PDGFRB: variants seen among roughly 807,000 people sequenced by gnomAD.
PDGFRB encodes platelet derived growth factor receptor beta, also known as platelet-derived growth factor receptor beta.
A neutral mutation model predicts 120.2 loss-of-function variants in PDGFRB; 42 were observed. The observed-to-expected ratio is 0.35, with a 90% confidence interval of 0.27 to 0.45. The LOEUF (loss-of-function observed/expected upper bound fraction) is 0.45, where lower values mean the gene tolerates loss of function less well. Ranked by LOEUF, PDGFRB falls within the 20% of genes least tolerant of loss-of-function variation. The pLI is 1.00. For missense variants in PDGFRB, 1,149 were observed against 1,476.3 expected, an observed-to-expected ratio of 0.78 and a Z score of 3.63; for synonymous variants, 586 against 606.8, an observed-to-expected ratio of 0.97 and a Z score of 0.50.
chr5:150,124,221 T>A, intron 14 of PDGFRB, 29 bp downstream of exon 14: 1 of 1,503,282 alleles, frequency 6.7e-7, no homozygotes, highest in Non-Finnish European at 9.3e-7. Context: ...GCACTTTCCC[T>A]GAGGCCTCTG....
intron 1 of PDGFRB, among the ~76,000 whole-genome samples, chr5:150,143,362 G>A (rs1760833108): frequency 6.6e-6 from 1 of 152,212 alleles, no homozygotes; most frequent in South Asian, 2.1e-4. Flanking sequence ...GGGCAAGAGT[G>A]TCTTGGGAGC....
chr5:150,133,438 C>G, intron 6 of PDGFRB, 148 bp downstream of exon 6: 1 of 715,168 alleles, frequency 1.4e-6, no homozygotes, highest in East Asian at 2.5e-5. Context: ...CTGACTATAC[C>G]CCGGGGCTGT....
chr5:150,145,200 T>G (rs989519321), intron 1 of PDGFRB, among the ~76,000 whole-genome samples: 1 of 152,268 alleles, frequency 6.6e-6, no homozygotes, highest in Non-Finnish European at 1.5e-5. Flanking sequence ...ATAAACTGAA[T>G]GTATTTTCTC....
chr5:150,137,165 T>C (rs1760657171), intron 1 of PDGFRB, 112 bp from the exon 2 acceptor site: 3 of 807,088 alleles, frequency 3.7e-6, no homozygotes, highest in Non-Finnish European at 4.0e-6. Flanking sequence ...CCAGCCTTCA[T>C]GTCCGAGGGG....
intron 12 of PDGFRB, among the ~76,000 whole-genome samples, chr5:150,125,238 C>T (rs761226234): frequency 9.2e-5 from 14 of 152,170 alleles, no homozygotes; most frequent in Non-Finnish European, 1.9e-4. Flanking sequence ...CTCACAGGGT[C>T]ACAGGATCAT....
At chr5:150,130,410 C>T (rs911790241) in intron 9 of PDGFRB, 129 bp downstream of exon 9, 12 of 851,860 alleles carry the variant, frequency 1.4e-5, no homozygotes, top group Non-Finnish European at 2.2e-5. Context: ...AGGTGGTGAC[C>T]TGGCCTCCTA....
At chr5:150,126,724 C>A in intron 10 of PDGFRB, 110 bp from the exon 11 acceptor site, 1 of 701,608 alleles carries the variant, frequency 1.4e-6, no homozygotes, top group Non-Finnish European at 2.6e-6. Flanking sequence ...AGAATAGAAG[C>A]GCCCACCTCC....
chr5:150,133,451 C>G (rs372926836), intron 6 of PDGFRB, 135 bp downstream of exon 6: 3 of 752,286 alleles, frequency 4.0e-6, no homozygotes, highest in East Asian at 2.5e-5. Context: ...GGGGCTGTGA[C>G]AGGCACTGGG....
intron 22 of PDGFRB, 74 bp downstream of exon 22, chr5:150,117,544 G>GCGCGCACGCA (rs369019315): frequency 3.9e-6 from 2 of 516,470 alleles, no homozygotes; most frequent in Non-Finnish European, 6.7e-6. Context: ...GCGCGCGCGC[G>GCGCGCACGCA]CACACACACA....
At chr5:150,148,793 C>T (rs936017248) in intron 1 of PDGFRB, among the ~76,000 whole-genome samples, 6 of 152,194 alleles carry the variant, frequency 3.9e-5, no homozygotes, top group African/African-American at 9.6e-5. Context: ...GTGGGGAGAG[C>T]GGGTATGGCT....
chr5:150,115,462 G>A lies in PDGFRB; in HGVS notation c.*301C>T. The stretch of plus-strand genomic sequence containing the variant: ...AGCCAGGGAGAGAATCCTAGATTCT[G>A]GGTCATCAAGCCTAACTTTCCCATT... On this transcript the variant is annotated 3_prime_UTR_variant, in exon 23 of 23. Coordinates refer to ENST00000261799, the MANE Select transcript of PDGFRB (RefSeq NM_002609.4). 3.3e-6 allele frequency: 1 copy of A among 300,208 alleles called. No homozygotes were observed. The highest frequency in any genetic ancestry group is 6.1e-6 in the Non-Finnish European group (1 of 163,900). The allele number at this position is 300,208 out of a possible 1,614,324, so 18.6% of individuals were successfully genotyped here. A position where few individuals can be genotyped will look rare whatever the true frequency, so the allele number is the denominator to read the frequency against.
At position 150,134,247 on chromosome 5, in the gene PDGFRB, A is replaced by G. The variant is rs1308201185; in HGVS notation, c.632-239T>C. 8.8e-6 allele frequency: 5 copies of G among 566,778 alleles called. No individual in the cohort carries two copies. The South Asian group carries it at 1.0e-4, about 12-fold the overall frequency. The allele number at this position is 566,778 out of a possible 1,614,324, so 35.1% of individuals were successfully genotyped here. A position where few individuals can be genotyped will look rare whatever the true frequency, so the allele number is the denominator to read the frequency against. On this transcript the variant is annotated intron_variant, in intron 4 of 22. Coordinates refer to ENST00000261799, the MANE Select transcript of PDGFRB (RefSeq NM_002609.4). ...TTATGGAGCTGACGTTCTAGAAGGG[A>G]TAACAGTCTGGAAATCAAAGTACCC...
chr5:150,155,360 G>A, intron 1 of PDGFRB, 37 bp downstream of exon 1: 2 of 379,506 alleles, frequency 5.3e-6, no homozygotes, highest in Non-Finnish European at 9.3e-6. Flanking sequence ...AAGGGACAGG[G>A]CATGGGGCTG....
At chr5:150,128,426 G>C (rs922327877) in intron 10 of PDGFRB, among the ~76,000 whole-genome samples, 4 of 152,234 alleles carry the variant, frequency 2.6e-5, no homozygotes, top group African/African-American at 9.6e-5. Context: ...TGCATACACA[G>C]AGACCAAGAT....
At position 150,113,895 on chromosome 5, in the gene PDGFRB, CAGAT is replaced by C. The variant is rs764575587; in HGVS notation, c.*1864_*1867del. 18 of 232,542 alleles carry C rather than the reference CAGAT, an allele frequency of 7.7e-5. No homozygotes were observed. Among genetic ancestry groups the C allele is most frequent in the East Asian group, 5.5e-4 (9 of 16,464 alleles). The allele number at this position is 232,542 out of a possible 1,614,324, so 14.4% of individuals were successfully genotyped here. A position where few individuals can be genotyped will look rare whatever the true frequency, so the allele number is the denominator to read the frequency against. ...AATCTTTCCCTTAAAAAAAAGTACA[CAGAT>C]AGAAAAACTCAACAGCATACAAAAT... On this transcript the variant is annotated 3_prime_UTR_variant, in exon 23 of 23. Transcript: ENST00000261799.
chr5:150,129,085 A>T (rs1760376377), intron 10 of PDGFRB, among the ~76,000 whole-genome samples: 1 of 152,254 alleles, frequency 6.6e-6, no homozygotes, highest in Admixed American at 6.5e-5. Context: ...CAGCAGGCAC[A>T]TGTGTACGGG....
chr5:150,144,645 G>A (rs933441071), intron 1 of PDGFRB, among the ~76,000 whole-genome samples: 52 of 152,240 alleles, frequency 3.4e-4, no homozygotes, highest in African/African-American at 1.2e-3. Flanking sequence ...CAGCGATGCG[G>A]CTGGCTACTT....
intron 8 of PDGFRB, among the ~76,000 whole-genome samples, chr5:150,131,543 T>C (rs1760466647): frequency 6.6e-6 from 1 of 152,234 alleles, no homozygotes; most frequent in African/African-American, 2.4e-5. Context: ...CCTTCTAACC[T>C]ATGTAATTTG....
In PDGFRB at chr5:150,134,928, T is replaced by C. The variant is rs1760579547; in HGVS notation, c.453A>G (p.Val151=). 6.2e-7 allele frequency: 1 copy of C among 1,613,814 alleles called. No individual in the cohort carries two copies. The change falls in exon 4 of 23, where the codon GTA becomes GTG. Residue 151 remains valine, a synonymous_variant. Coordinates refer to ENST00000261799, the MANE Select transcript of PDGFRB (RefSeq NM_002609.4). The part of the protein sequence containing the change: ...EITEITIPCR[V]TDPQLVVTLH... ...GTGTCACCACCAGCTGTGGGTCTGT[T>C]ACTCGGCATGGAATGGTGATCTCAG... is the stretch of plus-strand genomic sequence containing the variant.
Sources: gnomAD v4.1 joint callset for allele counts (sites outside exome capture counted in the v4.1 genomes callset) on GRCh38, gnomAD v4.1.1 for gene constraint, MANE v1.5 for transcripts, NCBI Gene and HGNC (gene_info 2026-07-23, HGNC 2026-07-21) for gene names.